The following SLCO1B3 variants were observed in gnomAD, a reference collection of about 807,000 sequenced individuals.
SLCO1B3 encodes the protein solute carrier organic anion transporter family member 1B3.
Under a neutral mutation model 71.8 loss-of-function variants are expected in SLCO1B3, and 72 were observed. The observed-to-expected ratio is 1.00, with a 90% CI of 0.83 to 1.22. The LOEUF is 1.22. SLCO1B3 is among the 50% of genes most tolerant of loss of function. SLCO1B3 has a pLI of 0.00. For synonymous variants in SLCO1B3, 298 were observed against 278.4 expected, an observed-to-expected ratio of 1.07 and a Z score of -0.70; for missense variants, 911 against 819.7, an observed-to-expected ratio of 1.11 and a Z score of -1.36.
chr12:20,823,303 AG>A (rs1253977379), intron 3 of SLCO1B3, among the ~76,000 whole-genome samples: 1 of 152,160 alleles, frequency 6.6e-6, no homozygotes. Context: ...ATTGGACAAT[AG>A]GGGGAAAAGG....
intron 3 of SLCO1B3, among the ~76,000 whole-genome samples, chr12:20,820,127 AG>A (rs1405505376): frequency 7.9e-5 from 12 of 152,104 alleles, no homozygotes; most frequent in Admixed American, 5.2e-4. Flanking sequence ...CAAGGGAAAC[AG>A]GCCCTTGAAA....
chr12:20,883,406 A>G lies in SLCO1B3; in HGVS notation c.1498-12A>G, dbSNP rs1249508408. The stretch of plus-strand genomic sequence containing the variant: ...CAAATGTATTTGTTAATATTTCAAA[A>G]ACTATTTTTAGGTGTTTTATAACTG... On this transcript the variant is annotated splice_polypyrimidine_tract_variant and intron_variant, in intron 12 of 15. Transcript: ENST00000381545. The G allele has an allele frequency of 6.8e-7, 1 of 1,471,394 alleles. No homozygotes were observed. Among genetic ancestry groups the G allele is most frequent in the South Asian group, 1.3e-5 (1 of 74,128 alleles). 91.1% of individuals were successfully genotyped at this position (1,471,394 alleles called of 1,614,324 possible). A position where few individuals can be genotyped will look rare whatever the true frequency, so the allele number is the denominator to read the frequency against.
Position 20,898,482 on chromosome 12 carries a change from A to G in SLCO1B3, c.1729A>G (p.Met577Val). ...LKALAMGFQSMVIRTLGGILA... is the reference protein window; with the variant it reads ...LKALAMGFQSVVIRTLGGILA... ...AGCACTTGCAATGGGTTTCCAGTCA[A>G]TGGTTATAAGAACACTAGGTATGAC... The change falls in exon 14 of 16, where the codon ATG becomes GTG. Residue 577 changes from methionine (M) to valine (V), a missense_variant. Transcript: ENST00000381545. 2.5e-6 allele frequency: 4 copies of G among 1,583,672 alleles called. No homozygotes were observed. Among genetic ancestry groups the G allele is most frequent in the Non-Finnish European group, 3.5e-6 (4 of 1,155,604 alleles).
chr12:20,903,233 C>G (rs1866166185), intron 15 of SLCO1B3, among the ~76,000 whole-genome samples: 1 of 152,088 alleles, frequency 6.6e-6, no homozygotes, highest in Non-Finnish European at 1.5e-5. Flanking sequence ...TACGATTAAG[C>G]CATCATGTTC....
chr12:20,834,095 T>C (rs1864616724), intron 3 of SLCO1B3, among the ~76,000 whole-genome samples: 1 of 146,020 alleles, frequency 6.8e-6, no homozygotes, highest in African/African-American at 2.5e-5. Flanking sequence ...TATACACATA[T>C]ATAATATATA....
chr12:20,817,304 C>A (rs987434613), intron 3 of SLCO1B3, among the ~76,000 whole-genome samples: 1 of 152,092 alleles, frequency 6.6e-6, no homozygotes, highest in Admixed American at 6.5e-5. Context: ...TGGAGAGTTT[C>A]CCCAATATTT....
intron 15 of SLCO1B3, among the ~76,000 whole-genome samples, chr12:20,909,947 T>A (rs1273968547): frequency 6.6e-6 from 1 of 152,214 alleles, no homozygotes; most frequent in Non-Finnish European, 1.5e-5. Context: ...TATGCCTGGA[T>A]AACTGTTTTA....
rs568045109 is a variant in SLCO1B3, at chr12:20,859,706, A to G, written c.359+1135A>G. 3.9e-5 allele frequency among the ~76,000 whole-genome samples: 6 copies of G among 152,054 alleles called. No individual in the cohort carries two copies. In the South Asian group the frequency reaches 8.3e-4, roughly 21 times the overall value. ...ATTATTTTTATGGAGAATATGCCTT[A>G]AATGCAACTACCCCAGCTTCATCTT... On this transcript the variant is annotated intron_variant, in intron 5 of 15. Transcript: ENST00000381545.
At position 20,888,040 on chromosome 12, in the gene SLCO1B3, A is replaced by T. The variant is rs1865825875; in HGVS notation, c.1682+4438A>T. 2.0e-5 allele frequency among the ~76,000 whole-genome samples: 3 copies of T among 152,038 alleles called. No individual in the cohort carries two copies. In the South Asian group the frequency reaches 6.2e-4, roughly 32 times the overall value. ...TGTCAAAAATCAGTATGTTGTAGGT[A>T]TGTGGCTTTATTTCTGGCTTCTCCA... On this transcript the variant is annotated intron_variant, in intron 13 of 15. Transcript: ENST00000381545.
At chr12:20,845,129 A>C in intron 3 of SLCO1B3, 1 of 449,998 alleles carries the variant, frequency 2.2e-6, no homozygotes, top group Non-Finnish European at 4.4e-6. Context: ...ATCCAGCAAG[A>C]CTTAGACTAT....
At chr12:20,838,958 A>T (rs1057017851) in intron 3 of SLCO1B3, among the ~76,000 whole-genome samples, 1 of 151,682 alleles carries the variant, frequency 6.6e-6, no homozygotes, top group Non-Finnish European at 1.5e-5. Flanking sequence ...CATATTTGTT[A>T]TATTTCTTCT....
intron 1 of SLCO1B3, among the ~76,000 whole-genome samples, chr12:20,812,328 G>A (rs1009030485): frequency 8.5e-5 from 13 of 152,160 alleles, no homozygotes; most frequent in Middle Eastern, 3.2e-3. Flanking sequence ...GTCTTGGAAA[G>A]TACGGGAAAT....
chr12:20,890,631 A>G (rs979145951), intron 13 of SLCO1B3, among the ~76,000 whole-genome samples: 2 of 152,084 alleles, frequency 1.3e-5, no homozygotes, highest in South Asian at 2.1e-4. Flanking sequence ...AGACCCCACT[A>G]CTGTTGTATT....
rs574498742 is a variant in SLCO1B3 at position 20,827,674 on chromosome 12, C to T, written c.84+11852C>T. Among the ~76,000 whole-genome samples, 353 of 152,076 alleles carry T rather than the reference C, an allele frequency of 2.3e-3. 1 individual carries two copies. Among genetic ancestry groups the T allele is most frequent in the African/African-American group, 7.3e-3 (304 of 41,438 alleles). On this transcript the variant is annotated intron_variant, in intron 3 of 15. Coordinates refer to ENST00000381545, the MANE Select transcript of SLCO1B3 (RefSeq NM_019844.4). ...GCAATCTGTATCTCCTGGGTTCAAG[C>T]GATTCTTCTGCCGCAGCCTCCCGAG...
intron 3 of SLCO1B3, among the ~76,000 whole-genome samples, chr12:20,822,763 G>A (rs1165654981): frequency 6.6e-6 from 1 of 151,816 alleles, no homozygotes; most frequent in African/African-American, 2.4e-5. Context: ...GCTACCTGTG[G>A]AAATATTTAA....
At chr12:20,862,722 G>A (rs755992787) in intron 7 of SLCO1B3, 34 bp from the exon 8 acceptor site, 3 of 1,527,962 alleles carry the variant, frequency 2.0e-6, no homozygotes, top group Non-Finnish European at 2.7e-6. Context: ...AAGTATTTGT[G>A]ACATCTGATT....
At chr12:20,814,218 A>C (rs1864153150) in intron 2 of SLCO1B3, among the ~76,000 whole-genome samples, 1 of 152,190 alleles carries the variant, frequency 6.6e-6, no homozygotes, top group African/African-American at 2.4e-5. Flanking sequence ...TATATAAAAG[A>C]GTCAACTGAC....
intron 3 of SLCO1B3, 93 bp downstream of exon 3, chr12:20,815,915 C>T (rs1199328643): frequency 6.6e-6 from 4 of 605,068 alleles, no homozygotes; most frequent in African/African-American, 5.7e-5. Flanking sequence ...AACATTATAT[C>T]TCATATTACA....
chr12:20,815,431 T>C (rs897239966), intron 2 of SLCO1B3, among the ~76,000 whole-genome samples: 1 of 152,192 alleles, frequency 6.6e-6, no homozygotes. Context: ...TATTTACTTG[T>C]TTCAAATTTC....
Sources: allele counts gnomAD v4.1 joint callset (sites outside exome capture counted in the v4.1 genomes callset), GRCh38; gene constraint gnomAD v4.1.1; transcripts MANE v1.5; gene names NCBI Gene and HGNC (gene_info 2026-07-23, HGNC 2026-07-21).